PGLYRP2: variants seen among roughly 807,000 people sequenced by gnomAD.
PGLYRP2 encodes the protein N-acetylmuramoyl-L-alanine amidase.
PGLYRP2 carries 38 observed loss-of-function variants against 46.2 expected under a neutral mutation model. The ratio of observed to expected loss-of-function variants is 0.82; its 90% CI spans 0.64 to 1.08. The LOEUF is 1.08. Among genes scored for constraint, PGLYRP2 ranks in the 50% least tolerant of loss-of-function variants. The pLI is 0.00. For synonymous variants in PGLYRP2, 289 were observed against 329.4 expected (o/e 0.88, Z 1.33); for missense variants, 713 against 755.9 (o/e 0.94, Z 0.67).
At chr19:15,470,278 T>G in intron 3 of PGLYRP2, among the ~76,000 whole-genome samples, 1 of 132,426 alleles carries the variant, frequency 7.6e-6, no homozygotes, top group East Asian at 2.1e-4. Flanking sequence ...CCTTCCTTCC[T>G]TCCTTCCTTC....
In PGLYRP2 at chr19:15,469,583, T is replaced by A; in HGVS notation, c.1641+49A>T. On this transcript the variant is annotated intron_variant, in intron 4 of 4. Coordinates refer to ENST00000340880, the MANE Select transcript of PGLYRP2 (RefSeq NM_052890.4). This position sits in a 1 kb window ranked among gnomAD's most constrained non-coding sequence, Gnocchi z 4.9. Reference sequence around the variant, plus strand: ...GGGGGCAGGGGCCTCGTGGAGCTTGTGTAGACGGAGGGGCGGCGGGCCGTG... The same window carrying A: ...GGGGGCAGGGGCCTCGTGGAGCTTGAGTAGACGGAGGGGCGGCGGGCCGTG... The A allele has an allele frequency of 2.6e-6, 4 of 1,555,188 alleles. No individual in the cohort carries two copies. Among genetic ancestry groups the A allele is most frequent in the East Asian group, 2.4e-5 (1 of 42,288 alleles).
At position 15,477,679 on chromosome 19, in the gene PGLYRP2, C is replaced by G. The variant is rs184523231; in HGVS notation, c.62-1071G>C. On this transcript the variant is annotated intron_variant, in intron 1 of 4. Coordinates refer to ENST00000340880, the MANE Select transcript of PGLYRP2 (RefSeq NM_052890.4). ...CCCCACTGCATTCCAGCCTGGGTGA[C>G]AGAGTGAGACTCCATCATAAAATAA... 5.4e-3 allele frequency among the ~76,000 whole-genome samples: 757 copies of G among 140,332 alleles called. 8 individuals are homozygous for G. Among genetic ancestry groups the G allele is most frequent in the African/African-American group, 0.018 (693 of 38,986 alleles). The allele number at this position is 140,332 out of a possible 152,430, so 92.1% of individuals were successfully genotyped here.
chr19:15,479,350 T>A lies in PGLYRP2; in HGVS notation c.22A>T (p.Ile8Phe). ...GACCACAGTAGCAATCCGAGTAGGA[T>A]CCAGAGGACACCCTGGGCCATTGTT... is the stretch of plus-strand genomic sequence containing the variant. MAQGVLW[I>F]LLGLLLWSDP... The change falls in exon 1 of 5, where the codon ATC (isoleucine) becomes TTC (phenylalanine). Residue 8 changes from isoleucine (I) to phenylalanine (F), a missense_variant. Coordinates refer to ENST00000340880, the MANE Select transcript of PGLYRP2 (RefSeq NM_052890.4). 1 of 1,614,104 alleles carries A rather than the reference T, an allele frequency of 6.2e-7. No homozygotes were observed. The highest frequency in any genetic ancestry group is 8.5e-7 in the Non-Finnish European group (1 of 1,180,002).
At position 15,476,386 on chromosome 19, in the gene PGLYRP2, T is replaced by C; in HGVS notation, c.284A>G (p.Lys95Arg). The C allele has an allele frequency of 6.2e-7, 1 of 1,614,088 alleles. No homozygotes were observed. The highest frequency in any genetic ancestry group is 1.1e-5 in the South Asian group (1 of 91,074). ...PLSPELLGLT[K>R]EVARHDVREG... ...TCGTACGTCATGTCGGGCCACCTCC[T>C]TGGTCAGGCCTAACAGCTCTGGGCT... The change falls in exon 2 of 5, where the codon AAG becomes AGG. Residue 95 changes from lysine (K) to arginine (R), a missense_variant. Coordinates refer to ENST00000340880, the MANE Select transcript of PGLYRP2 (RefSeq NM_052890.4).
Position 15,477,721 on chromosome 19 carries a change from T to TAAAAATAAAATAAAA in PGLYRP2, c.62-1114_62-1113insTTTTATTTTATTTTT, listed in dbSNP as rs56127600. Reference sequence around the variant, plus strand: ...ATAAAATAAAATAAATAAAATAAAATTAAATTAAAATAAAATAAAATAAAA... The same window carrying TAAAAATAAAATAAAA: ...ATAAAATAAAATAAATAAAATAAAATAAAAATAAAATAAAATAAATTAAAATAAAATAAAATAAAA... On this transcript the variant is annotated intron_variant, in intron 1 of 4. Transcript: ENST00000340880. Among the ~76,000 whole-genome samples the TAAAAATAAAATAAAA allele has an allele frequency of 8.7e-4, 118 of 135,450 alleles. 4 individuals carry two copies. Among genetic ancestry groups the TAAAAATAAAATAAAA allele is most frequent in the East Asian group, 2.1e-4 (1 of 4,816 alleles). 88.9% of individuals were successfully genotyped at this position (135,450 alleles called of 152,430 possible).
At chr19:15,474,918 C>T (rs1269269312) in intron 2 of PGLYRP2, among the ~76,000 whole-genome samples, 5 of 150,222 alleles carry the variant, frequency 3.3e-5, no homozygotes, top group African/African-American at 9.9e-5. Context: ...ACCCAGGAGG[C>T]GGAGGTTGCA....
intron 4 of PGLYRP2, chr19:15,468,958 T>G: frequency 1.9e-6 from 1 of 520,518 alleles, no homozygotes; most frequent in Non-Finnish European, 3.4e-6. Flanking sequence ...CACGAGATTG[T>G]CCAGGTGTGA....
At chr19:15,468,872 G>T in intron 4 of PGLYRP2, 120 bp from the exon 5 acceptor site, 1 of 687,406 alleles carries the variant, frequency 1.5e-6, no homozygotes, top group Non-Finnish European at 2.5e-6. Context: ...GAGAGAGTGA[G>T]GACAAAGCCA....
At position 15,472,921 on chromosome 19, in the gene PGLYRP2, A is replaced by G. The variant is rs144658877; in HGVS notation, c.1133-821T>C. On this transcript the variant is annotated intron_variant, in intron 2 of 4. Coordinates refer to ENST00000340880, the MANE Select transcript of PGLYRP2 (RefSeq NM_052890.4). The stretch of plus-strand genomic sequence containing the variant: ...GCCTGGTATCACATTACCTGACTTC[A>G]AATTATACTACAATACTATAGTAAC... Among the ~76,000 whole-genome samples, 391 of 152,328 alleles carry G rather than the reference A, an allele frequency of 2.6e-3. 1 individual carries two copies. The highest frequency in any genetic ancestry group is 8.6e-3 in the African/African-American group (359 of 41,580).
Position 15,476,605 on chromosome 19 carries a change from G to C in PGLYRP2, c.65C>G (p.Ser22Cys). 1 of 1,584,432 alleles carries C rather than the reference G, an allele frequency of 6.3e-7. No homozygotes were observed. Among genetic ancestry groups the C allele is most frequent in the Non-Finnish European group, 8.6e-7 (1 of 1,166,122 alleles). ...LLLWSDPGTA[S>C]LPLLMDSVIQ... is the part of the protein sequence containing the mutation. ...GACAGAGTCCATGAGCAGGGGCAGG[G>C]AGGCTGCAGGAGGAAAGAATGTGTT... The change falls in exon 2 of 5, where the codon TCC (serine) becomes TGC (cysteine). Residue 22 changes from serine (S) to cysteine (C), a missense_variant. Transcript: ENST00000340880.
In PGLYRP2 at chr19:15,476,151, G is replaced by A. The variant is rs747726721; in HGVS notation, c.519C>T (p.Leu173=). 8 of 1,614,068 alleles carry A rather than the reference G, an allele frequency of 5.0e-6. No homozygotes were observed. The highest frequency in any genetic ancestry group is 1.7e-6 in the Non-Finnish European group (2 of 1,180,044). ...TGGTGACATCTGGAGAGCCATCCCTGAGTCCTGGGGAGGAGGTGGCTCTTA... is the reference window on the plus strand; with the variant it reads ...TGGTGACATCTGGAGAGCCATCCCTAAGTCCTGGGGAGGAGGTGGCTCTTA... The part of the protein sequence containing the change: ...PDVRATSSPG[L]RDGSPDVTTA... Residue 173 remains leucine (L), a synonymous_variant, in exon 2 of 5, where the codon CTC becomes CTT. Coordinates refer to ENST00000340880, the MANE Select transcript of PGLYRP2 (RefSeq NM_052890.4).
Position 15,476,085 on chromosome 19 carries a change from G to A in PGLYRP2, c.585C>T (p.Gly195=). 1.2e-6 allele frequency: 2 copies of A among 1,614,234 alleles called. No homozygotes were observed. The highest frequency in any genetic ancestry group is 3.3e-4 in the Middle Eastern group (2 of 6,062). ...GCAAGGAAGCTTGGACATCTGGACAGCCTTTTGTAGCATCTGGAGTGTTGG... is the reference window on the plus strand; with the variant it reads ...GCAAGGAAGCTTGGACATCTGGACAACCTTTTGTAGCATCTGGAGTGTTGG... The part of the protein sequence containing the change: ...IGANTPDATK[G]CPDVQASLPD... Residue 195 remains glycine, a synonymous_variant, in exon 2 of 5, where the codon GGC becomes GGT. Transcript: ENST00000340880.
Position 15,478,778 on chromosome 19 carries a change from G to A in PGLYRP2, c.61+533C>T, listed in dbSNP as rs147543236. On this transcript the variant is annotated intron_variant, in intron 1 of 4. Transcript: ENST00000340880. Reference sequence around the variant, plus strand: ...TGGGATTACAGGTGCCTGCCACCACGCCTGGCTAATTTTTGGTATTTTTAG... The same window carrying A: ...TGGGATTACAGGTGCCTGCCACCACACCTGGCTAATTTTTGGTATTTTTAG... 7.6e-3 allele frequency among the ~76,000 whole-genome samples: 1,151 copies of A among 152,010 alleles called. 20 individuals carry two copies. Among genetic ancestry groups the A allele is most frequent in the African/African-American group, 0.026 (1,086 of 41,462 alleles).
chr19:15,470,289 C>T lies in PGLYRP2; in HGVS notation c.1344-360G>A, dbSNP rs1462491248. Among the ~76,000 whole-genome samples, 8 of 123,972 alleles carry T rather than the reference C, an allele frequency of 6.5e-5. No individual in the cohort carries two copies. In the South Asian group the frequency reaches 9.9e-4, roughly 15 times the overall value. The allele number at this position is 123,972 out of a possible 152,430, so 81.3% of individuals were successfully genotyped here. A position where few individuals can be genotyped will look rare whatever the true frequency, so the allele number is the denominator to read the frequency against. On this transcript the variant is annotated intron_variant, in intron 3 of 4. Transcript: ENST00000340880. ...CCTTCCTTCCTTCCTTCCTTCCTTC[C>T]TTCCTTCTTTCTTTCTTTCTTTTTT... is the stretch of plus-strand genomic sequence containing the variant.
intron 3 of PGLYRP2, 83 bp downstream of exon 3, chr19:15,471,807 C>A (rs1050764451): frequency 6.9e-7 from 1 of 1,457,416 alleles, no homozygotes. Context: ...GGTTCAAGCC[C>A]GGTCCCCTGC....
chr19:15,474,758 G>A (rs575891455), intron 2 of PGLYRP2, among the ~76,000 whole-genome samples: 52 of 152,284 alleles, frequency 3.4e-4, no homozygotes, highest in South Asian at 1.0e-3. Flanking sequence ...GGAGGCCAAG[G>A]TGGGTGGATC....
At position 15,469,949 on chromosome 19, in the gene PGLYRP2, G is replaced by A; in HGVS notation, c.1344-20C>T. On this transcript the variant is annotated intron_variant, in intron 3 of 4. Transcript: ENST00000340880. This position sits in a 1 kb window ranked among gnomAD's most constrained non-coding sequence, Gnocchi z 4.9. Reference sequence around the variant, plus strand: ...ACGAAACTGCAGAGGGGAGGGAGAAGCAAGCACCATGCGGCGTGAGGGGGA... The same window carrying A: ...ACGAAACTGCAGAGGGGAGGGAGAAACAAGCACCATGCGGCGTGAGGGGGA... 7.1e-7 allele frequency: 1 copy of A among 1,400,720 alleles called. No individual in the cohort carries two copies. Among genetic ancestry groups the A allele is most frequent in the Non-Finnish European group, 9.3e-7 (1 of 1,080,902 alleles). 86.8% of individuals were successfully genotyped at this position (1,400,720 alleles called of 1,614,324 possible). A position where few individuals can be genotyped will look rare whatever the true frequency, so the allele number is the denominator to read the frequency against.
chr19:15,473,698 A>G (rs1413173291), intron 2 of PGLYRP2, among the ~76,000 whole-genome samples: 1 of 151,924 alleles, frequency 6.6e-6, no homozygotes, highest in African/African-American at 2.4e-5. Context: ...TCTGCACACC[A>G]AAGATATAAT....
At chr19:15,471,777 G>C (rs1198891502) in intron 3 of PGLYRP2, 113 bp downstream of exon 3, 2 of 1,242,578 alleles carry the variant, frequency 1.6e-6, no homozygotes, top group African/African-American at 3.0e-5. Context: ...ACTCCTCCTT[G>C]GTCTTGCCAG....
Sources: gnomAD v4.1 joint callset for allele counts (sites outside exome capture counted in the v4.1 genomes callset) on GRCh38, gnomAD v4.1.1 for gene constraint, Gnocchi (gnomAD v3.1) non-coding constraint, MANE v1.5 for transcripts, NCBI Gene and HGNC (gene_info 2026-07-23, HGNC 2026-07-21) for gene names.